The following XIRP2 variants were observed in gnomAD, a reference collection of about 807,000 sequenced individuals.
XIRP2 encodes xin actin-binding repeat-containing protein 2.
A neutral mutation model predicts 277.0 loss-of-function variants in XIRP2; 236 were observed. That is an observed-to-expected ratio of 0.85 (90% CI 0.77 to 0.95). XIRP2 has a LOEUF of 0.95. Ranked by LOEUF, XIRP2 falls within the 40% of genes least tolerant of loss-of-function variation. XIRP2 has a pLI of 0.00. For missense variants in XIRP2, 4,640 were observed against 4,157.5 expected (o/e 1.12, Z -3.19); for synonymous variants, 1,490 against 1,416.5 (o/e 1.05, Z -1.17).
chr2:167,184,048 C>T (rs7605024), intron 3 of XIRP2, among the ~76,000 whole-genome samples: 15,011 of 152,126 alleles, frequency 0.099, 794 homozygotes, highest in South Asian at 0.15. Flanking sequence ...TCACACCATG[C>T]GAAGCTTCCG....
chr2:166,931,126 C>G (rs1458979132), intron 2 of XIRP2, among the ~76,000 whole-genome samples: 1 of 151,882 alleles, frequency 6.6e-6, no homozygotes, highest in East Asian at 1.9e-4. Context: ...GATTTTGGAA[C>G]AAAGAGAGAA....
rs762357613 is a variant in XIRP2, at chr2:167,257,990, C to A, written c.*173C>A. ...TAAAGATAGATGGAACTGCAAAAAC[C>A]AAAGCAGATCAGTGGACTTTATTCC... On this transcript the variant is annotated 3_prime_UTR_variant, in exon 11 of 11. Coordinates refer to ENST00000409195, the MANE Select transcript of XIRP2 (RefSeq NM_152381.6). 6.2e-7 allele frequency: 1 copy of A among 1,613,000 alleles called. No individual in the cohort carries two copies. Among genetic ancestry groups the A allele is most frequent in the South Asian group, 1.1e-5 (1 of 91,032 alleles).
intron 2 of XIRP2, among the ~76,000 whole-genome samples, chr2:166,921,245 A>C (rs964531130): frequency 2.0e-5 from 3 of 152,124 alleles, no homozygotes; most frequent in East Asian, 1.9e-4. Flanking sequence ...GTGATTGCTG[A>C]ATTGTATGGT....
chr2:167,086,320 T>A (rs1182651489), intron 2 of XIRP2, among the ~76,000 whole-genome samples: 1 of 152,230 alleles, frequency 6.6e-6, no homozygotes, highest in Non-Finnish European at 1.5e-5. Context: ...CCGCTGTTAG[T>A]CTGATGGGCT....
chr2:167,167,397 GTTGT>G (rs1692556621), intron 3 of XIRP2, among the ~76,000 whole-genome samples: 1 of 151,984 alleles, frequency 6.6e-6, no homozygotes, highest in African/African-American at 2.4e-5. Flanking sequence ...AGTTGCTCCT[GTTGT>G]TTTTGTCTTC....
At chr2:167,240,479 A>G (rs919166421) in intron 6 of XIRP2, among the ~76,000 whole-genome samples, 185 bp from the exon 7 acceptor site, 10 of 152,182 alleles carry the variant, frequency 6.6e-5, no homozygotes, top group African/African-American at 2.2e-4. Flanking sequence ...TCGGATGTCA[A>G]TTCAAATATA....
chr2:166,945,490 A>G (rs985062080), intron 2 of XIRP2, among the ~76,000 whole-genome samples: 6 of 152,022 alleles, frequency 3.9e-5, no homozygotes, highest in South Asian at 2.1e-4. Context: ...AAAAAAGTAA[A>G]TATCTAATTA....
rs1695195776 is a variant in XIRP2 at position 167,244,819 on chromosome 2, T to C, written c.3427T>C (p.Ser1143Pro). ...TQPLDTIKDDSETAVKLQTVK... is the reference protein window; with the variant it reads ...TQPLDTIKDDPETAVKLQTVK... Reference sequence around the variant, plus strand: ...GCCACTTGATACCATAAAAGATGACTCTGAAACAGCAGTCAAATTGCAAAC... The same window carrying C: ...GCCACTTGATACCATAAAAGATGACCCTGAAACAGCAGTCAAATTGCAAAC... The change falls in exon 9 of 11, where the codon TCT becomes CCT. Residue 1143 changes from serine to proline, a missense_variant. Coordinates refer to ENST00000409195, the MANE Select transcript of XIRP2 (RefSeq NM_152381.6). The C allele has an allele frequency of 6.2e-7, 1 of 1,613,652 alleles. No homozygotes were observed.
intron 2 of XIRP2, among the ~76,000 whole-genome samples, chr2:166,967,581 A>G (rs1163549236): frequency 6.6e-6 from 1 of 151,944 alleles, no homozygotes; most frequent in Non-Finnish European, 1.5e-5. Context: ...TGTATGGCAA[A>G]GCGAGACCTA....
intron 3 of XIRP2, among the ~76,000 whole-genome samples, chr2:167,187,028 G>A (rs780028471): frequency 2.0e-5 from 3 of 152,000 alleles, no homozygotes; most frequent in Non-Finnish European, 4.4e-5. Flanking sequence ...TCATATTCTT[G>A]ACTCTTAAAA....
rs1220835726 is a variant in XIRP2, at chr2:167,214,296, G to GAA, written c.723+3401_723+3402insAA. Among the ~76,000 whole-genome samples the GAA allele has an allele frequency of 4.3e-4, 59 of 136,718 alleles. 6 individuals are homozygous for GAA. Among genetic ancestry groups the GAA allele is most frequent in the African/African-American group, 1.6e-3 (57 of 35,646 alleles). 89.7% of individuals were successfully genotyped at this position (136,718 alleles called of 152,430 possible). A position where few individuals can be genotyped will look rare whatever the true frequency, so the allele number is the denominator to read the frequency against. On this transcript the variant is annotated intron_variant, in intron 4 of 10. Transcript: ENST00000409195. ...GAAAGAGAGGGAGGGAGGGAGGGAG[G>GAA]GAGGAAGGAAGGAAGGAAGGAAGGA...
At chr2:166,974,619 G>A (rs1310896481) in intron 2 of XIRP2, among the ~76,000 whole-genome samples, 2 of 151,800 alleles carry the variant, frequency 1.3e-5, no homozygotes, top group African/African-American at 4.8e-5. Flanking sequence ...GCAAACAGTA[G>A]CAATGCTTCT....
At chr2:167,230,158 AATTT>A (rs143641197) in intron 5 of XIRP2, among the ~76,000 whole-genome samples, 2,051 of 152,204 alleles carry the variant, frequency 0.013, 49 homozygotes, top group African/African-American at 0.047. Flanking sequence ...TAGCATTTGA[AATTT>A]ATTCTTTTTC....
chr2:166,908,858 A>G (rs1382918632), intron 2 of XIRP2, among the ~76,000 whole-genome samples: 2 of 152,162 alleles, frequency 1.3e-5, no homozygotes, highest in Non-Finnish European at 2.9e-5. Context: ...TCCTAGCACC[A>G]TTTATTAAAT....
At chr2:166,945,655 A>C (rs958291086) in intron 2 of XIRP2, among the ~76,000 whole-genome samples, 1 of 149,746 alleles carries the variant, frequency 6.7e-6, no homozygotes, top group Non-Finnish European at 1.5e-5. Context: ...TGCTTTACTA[A>C]GATAAATCTT....
intron 3 of XIRP2, among the ~76,000 whole-genome samples, chr2:167,141,616 G>T (rs1691720298): frequency 2.0e-5 from 3 of 152,098 alleles, no homozygotes; most frequent in Admixed American, 2.0e-4. Context: ...TATTCTCAGT[G>T]CTTTGGGAGG....
chr2:167,024,076 T>G (rs1254883777), intron 2 of XIRP2, among the ~76,000 whole-genome samples: 1 of 151,760 alleles, frequency 6.6e-6, no homozygotes, highest in East Asian at 2.0e-4. Flanking sequence ...TATTGATTCT[T>G]CCTACCCATG....
At chr2:167,165,529 T>C (rs932838329) in intron 3 of XIRP2, among the ~76,000 whole-genome samples, 2 of 152,202 alleles carry the variant, frequency 1.3e-5, no homozygotes, top group African/African-American at 4.8e-5. Flanking sequence ...TTGCTGGAGG[T>C]GGACGATTCT....
At chr2:166,909,936 C>G (rs970975690) in intron 2 of XIRP2, among the ~76,000 whole-genome samples, 15 of 152,150 alleles carry the variant, frequency 9.9e-5, no homozygotes, top group African/African-American at 3.6e-4. Context: ...GTATGTTGAA[C>G]CAGCCTTGCA....
Sources: gnomAD v4.1 joint callset for allele counts (sites outside exome capture counted in the v4.1 genomes callset) on GRCh38, gnomAD v4.1.1 for gene constraint, MANE v1.5 for transcripts, NCBI Gene and HGNC (gene_info 2026-07-23, HGNC 2026-07-21) for gene names.